GSE1: variants seen among roughly 807,000 people sequenced by gnomAD.
GSE1 encodes the protein Gse1 coiled-coil protein, also known as genetic suppressor element 1.
A neutral mutation model predicts 112.6 loss-of-function variants in GSE1; 32 were observed. The observed-to-expected ratio is 0.28, with a 90% CI of 0.21 to 0.38. The LOEUF is 0.38. Ranked by LOEUF, GSE1 falls within the 10% of genes least tolerant of loss-of-function variation. The pLI is 1.00. For synonymous variants in GSE1, 1,115 were observed against 735.6 expected (o/e 1.52, Z -8.35); for missense variants, 2,348 against 1,699.2 (o/e 1.38, Z -6.71).
At chr16:85,599,810 G>C (rs1219948649) in intron 1 of GSE1, among the ~76,000 whole-genome samples, 1 of 152,206 alleles carries the variant, frequency 6.6e-6, no homozygotes, top group Non-Finnish European at 1.5e-5. Flanking sequence ...TGAGGCAGGA[G>C]GATTACTTGA....
In GSE1 at chr16:85,666,023, G is replaced by A. The variant is rs777844246; in HGVS notation, c.2806G>A (p.Val936Ile). ...ASLDVEKPVG[V>I]AASLSDIPKA... Reference sequence around the variant, plus strand: ...TCTGGATGTGGAGAAGCCGGTTGGTGTTGCTGCTTCCTTGTCTGACATCCC... The same window carrying A: ...TCTGGATGTGGAGAAGCCGGTTGGTATTGCTGCTTCCTTGTCTGACATCCC... The change falls in exon 13 of 16, where the codon GTT becomes ATT. Residue 936 changes from valine (V) to isoleucine (I), a missense_variant. By Grantham distance (29) the Val-to-Ile change is conservative. Coordinates refer to ENST00000253458, the MANE Select transcript of GSE1 (RefSeq NM_014615.5). 1.9e-6 allele frequency: 3 copies of A among 1,613,532 alleles called. No individual in the cohort carries two copies. In the African/African-American group the frequency reaches 4.0e-5, roughly 22 times the overall value.
intron 5 of GSE1, 55 bp from the exon 6 acceptor site, chr16:85,655,671 G>T (rs531566755): frequency 3.2e-6 from 4 of 1,233,342 alleles, no homozygotes; most frequent in Non-Finnish European, 4.6e-6. Flanking sequence ...TGTCGACAGG[G>T]CTGGGTCTTC....
chr16:85,248,919 C>A (rs549029503), intron 1 of GSE1, among the ~76,000 whole-genome samples: 5 of 152,294 alleles, frequency 3.3e-5, no homozygotes, highest in Admixed American at 2.0e-4. Context: ...TAGTGCTCAA[C>A]TGGCAGGTGG....
At chr16:85,555,074 T>A (rs2045132547), upstream of GSE1, 1 of 985,226 alleles carries the variant, frequency 1.0e-6, no homozygotes, top group South Asian at 4.7e-5. Flanking sequence ...AGCATGGAGC[T>A]GTTGGAAGAT....
intron 1 of GSE1, among the ~76,000 whole-genome samples, chr16:85,300,859 T>C (rs867369571): frequency 1.3e-5 from 2 of 152,164 alleles, no homozygotes; most frequent in Non-Finnish European, 2.9e-5. Flanking sequence ...CACTAGGTAG[T>C]TGGACTCACG....
intron 1 of GSE1, among the ~76,000 whole-genome samples, chr16:85,235,753 C>A (rs1436994587): frequency 2.0e-5 from 3 of 151,866 alleles, no homozygotes; most frequent in Non-Finnish European, 4.4e-5. Flanking sequence ...GGGGCCCGCC[C>A]GCCCCAGGAA....
intron 2 of GSE1, among the ~76,000 whole-genome samples, chr16:85,445,762 G>T (rs1038446295): frequency 6.6e-6 from 1 of 152,306 alleles, no homozygotes; most frequent in Non-Finnish European, 1.5e-5. Flanking sequence ...CCGCCCTGGT[G>T]GGTGGCTGGC....
chr16:85,199,097 A>G (rs1159744766), intron 1 of GSE1, among the ~76,000 whole-genome samples: 5 of 152,086 alleles, frequency 3.3e-5, no homozygotes, highest in Non-Finnish European at 5.9e-5. Context: ...GGCATGTGCT[A>G]CCATGCCCAG....
chr16:85,325,978 A>G, intron 1 of GSE1, among the ~76,000 whole-genome samples: 1 of 147,828 alleles, frequency 6.8e-6, no homozygotes, highest in Non-Finnish European at 1.5e-5. Context: ...CGAACTCCTG[A>G]CCTCATGATC....
chr16:85,260,186 CT>C (rs1054483404), intron 1 of GSE1, among the ~76,000 whole-genome samples: 13 of 152,224 alleles, frequency 8.5e-5, no homozygotes, highest in Admixed American at 3.9e-4. Context: ...GCCCACTGCC[CT>C]CCCATGGTAC....
chr16:85,464,117 C>T (rs116870238), intron 2 of GSE1, among the ~76,000 whole-genome samples: 4 of 152,158 alleles, frequency 2.6e-5, no homozygotes, highest in East Asian at 1.9e-4. Context: ...CTGGCTGCCT[C>T]GCCTGCCCGC....
rs868518046 is a variant in GSE1 at position 85,407,991 on chromosome 16, A to T, written c.2464+50348A>T. On this transcript the variant is annotated intron_variant, in intron 2 of 2. Coordinates refer to the GSE1 transcript ENST00000637419. ...TCCCTCTGATAATCCTCACTGTTAC[A>T]CTCAGGGCCCCCTGGATAATCCTCA... Among the ~76,000 whole-genome samples, 5 of 44,504 alleles carry T rather than the reference A, an allele frequency of 1.1e-4. 1 individual carries two copies. The highest frequency in any genetic ancestry group is 6.1e-4 in the Admixed American group (3 of 4,916). 29.2% of individuals were successfully genotyped at this position (44,504 alleles called of 152,430 possible).
Position 85,668,324 on chromosome 16 carries a change from A to G in GSE1, c.3315A>G (p.Glu1105=), listed in dbSNP as rs780825582. ...QELDRDSEEE[E]EEDDEDGEDE... is the part of the protein sequence containing the mutation. The stretch of plus-strand genomic sequence containing the variant: ...TGGACCGGGACTCGGAGGAGGAGGA[A>G]GAGGAGGATGATGAAGATGGAGAAG... The change falls in exon 14 of 16, where the codon GAA becomes GAG. Residue 1105 remains glutamate, a synonymous_variant. Transcript: ENST00000253458. The G allele has an allele frequency of 2.5e-6, 4 of 1,611,286 alleles. No individual in the cohort carries two copies. Among genetic ancestry groups the G allele is most frequent in the African/African-American group, 2.7e-5 (2 of 74,852 alleles).
chr16:85,653,563 A>C (rs1332362338), intron 3 of GSE1, among the ~76,000 whole-genome samples: 1 of 151,624 alleles, frequency 6.6e-6, no homozygotes, highest in African/African-American at 2.4e-5. Context: ...AGCTACACCC[A>C]GGTCCACTGT....
chr16:85,483,607 C>T (rs1243457700), intron 2 of GSE1, among the ~76,000 whole-genome samples: 5 of 152,394 alleles, frequency 3.3e-5, no homozygotes, highest in South Asian at 4.1e-4. Context: ...TCTTGGTAGG[C>T]CCTGTGGGAT....
chr16:85,447,622 G>C (rs960978160), intron 2 of GSE1, among the ~76,000 whole-genome samples: 2 of 152,346 alleles, frequency 1.3e-5, no homozygotes, highest in African/African-American at 4.8e-5. Flanking sequence ...CAGCAACCCT[G>C]TGAGGTGTCA....
intron 2 of GSE1, among the ~76,000 whole-genome samples, chr16:85,493,035 G>T (rs11863553): frequency 1.3e-5 from 2 of 152,104 alleles, no homozygotes; most frequent in Non-Finnish European, 2.9e-5. Context: ...TGGAGCCACA[G>T]GGCTGGTGCC....
intron 1 of GSE1, among the ~76,000 whole-genome samples, chr16:85,256,690 T>A (rs1276354185): frequency 6.6e-6 from 1 of 152,266 alleles, no homozygotes; most frequent in East Asian, 1.9e-4. Flanking sequence ...TCTGTCCCCG[T>A]CACGGGGTGC....
chr16:85,644,361 G>C (rs1018942560), intron 2 of GSE1, among the ~76,000 whole-genome samples: 1 of 129,984 alleles, frequency 7.7e-6, no homozygotes, highest in Non-Finnish European at 1.7e-5. Context: ...AAAAAAAAAA[G>C]AGTGTTGGGC....
Sources: gnomAD v4.1 joint callset for allele counts (sites outside exome capture counted in the v4.1 genomes callset) on GRCh38, gnomAD v4.1.1 for gene constraint, MANE v1.5 for transcripts, NCBI Gene and HGNC (gene_info 2026-07-23, HGNC 2026-07-21) for gene names.